The following MBP variants were observed in gnomAD, a reference collection of about 807,000 sequenced individuals.
The protein encoded by MBP is myelin basic protein.
In MBP, 16 loss-of-function variants were observed where a neutral mutation model predicts 35.8. The observed-to-expected ratio is 0.45, with a 90% CI of 0.30 to 0.68. MBP has a LOEUF of 0.68. Ranked by LOEUF, MBP falls within the 30% of genes least tolerant of loss-of-function variation. MBP has a pLI of 0.08. For synonymous variants in MBP, 143 were observed against 159.6 expected, an observed-to-expected ratio of 0.90 and a Z score of 0.78; for missense variants, 380 against 404.7, an observed-to-expected ratio of 0.94 and a Z score of 0.52.
At chr18:77,105,153 G>T in intron 2 of MBP, 58 bp downstream of exon 2, 1 of 1,553,326 alleles carries the variant, frequency 6.4e-7, no homozygotes. Flanking sequence ...CACACCAAGG[G>T]GATTTGTGTT....
intron 4 of MBP, among the ~76,000 whole-genome samples, chr18:77,007,729 A>G (rs1490867316): frequency 6.6e-6 from 1 of 152,230 alleles, no homozygotes; most frequent in Admixed American, 6.5e-5. Flanking sequence ...GCTGAGCACA[A>G]GGAGCTGAGT....
chr18:77,080,634 G>C (rs547608355), intron 2 of MBP, among the ~76,000 whole-genome samples: 1 of 152,322 alleles, frequency 6.6e-6, no homozygotes, highest in South Asian at 2.1e-4. Context: ...CCATTTCCTA[G>C]TATACTTGGT....
At chr18:77,107,980 CT>C (rs2145149584) in intron 1 of MBP, among the ~76,000 whole-genome samples, 1 of 152,328 alleles carries the variant, frequency 6.6e-6, no homozygotes, top group South Asian at 2.1e-4. Context: ...AAAACGACAA[CT>C]TGATGTGTGG....
intron 3 of MBP, among the ~76,000 whole-genome samples, chr18:77,065,576 A>G (rs1322635727): frequency 1.3e-5 from 2 of 152,242 alleles, no homozygotes; most frequent in Non-Finnish European, 1.5e-5. Context: ...GTTATTTCCC[A>G]ATGCCTTCTG....
chr18:77,131,025 CA>C lies in MBP; in HGVS notation c.-26+1554del, dbSNP rs56844180. Reference sequence around the variant, plus strand: ...TTCCCTCAGATTTCTGTTTTTCCCACAAAAAAAAAAAAAAAACAAAACCTCA... The same window carrying C: ...TTCCCTCAGATTTCTGTTTTTCCCACAAAAAAAAAAAAAAACAAAACCTCA... On this transcript the variant is annotated intron_variant, in intron 1 of 8. Transcript: ENST00000355994. The surrounding 1 kb of genome is among the most constrained non-coding windows in gnomAD (Gnocchi z 5.5). Among the ~76,000 whole-genome samples the C allele has an allele frequency of 0.61, 79,018 of 130,026 alleles. 22,672 individuals are homozygous for C. Among genetic ancestry groups the C allele is most frequent in the Non-Finnish European group, 0.62 (38,426 of 61,676 alleles). 85.3% of individuals were successfully genotyped at this position (130,026 alleles called of 152,430 possible). A position where few individuals can be genotyped will look rare whatever the true frequency, so the allele number is the denominator to read the frequency against.
intron 3 of MBP, among the ~76,000 whole-genome samples, chr18:77,032,120 G>A (rs965197082): frequency 2.6e-5 from 4 of 152,222 alleles, no homozygotes; most frequent in African/African-American, 9.6e-5. Context: ...CACTCTCCTG[G>A]CCCCTCTCAA....
intron 1 of MBP, among the ~76,000 whole-genome samples, chr18:77,111,611 G>A (rs765419330): frequency 2.8e-4 from 42 of 152,204 alleles, no homozygotes; most frequent in Non-Finnish European, 4.7e-4. Flanking sequence ...CTCCTCTCCA[G>A]CACCCAGGGC....
chr18:77,128,817 G>A (rs954861590), intron 1 of MBP, among the ~76,000 whole-genome samples: 5 of 152,248 alleles, frequency 3.3e-5, no homozygotes, highest in East Asian at 1.9e-4. Flanking sequence ...ACCTAGAAGT[G>A]GAATTGTTAG....
chr18:76,980,295 T>TA lies in MBP; in HGVS notation c.*131dup, dbSNP rs1969105797. On this transcript the variant is annotated 3_prime_UTR_variant, in exon 9 of 9. Coordinates refer to ENST00000355994, the MANE Select transcript of MBP (RefSeq NM_001025101.2). ...GTAGGCTGCCGTGGCCTGACCCTAC[T>TA]ACGTGCACAACTCCGCAGGCATTAG... is the stretch of plus-strand genomic sequence containing the variant. 2 of 861,324 alleles carry TA rather than the reference T, an allele frequency of 2.3e-6. No individual in the cohort carries two copies. The highest frequency in any genetic ancestry group is 1.7e-5 in the Admixed American group (1 of 58,370). 53.4% of individuals were successfully genotyped at this position (861,324 alleles called of 1,614,324 possible).
chr18:77,081,739 T>A (rs1974906096), intron 2 of MBP, among the ~76,000 whole-genome samples: 1 of 141,440 alleles, frequency 7.1e-6, no homozygotes, highest in Non-Finnish European at 1.5e-5. Flanking sequence ...TACAGGGATT[T>A]TCATAGCAGC....
At chr18:76,992,448 C>T (rs965889260) in intron 4 of MBP, among the ~76,000 whole-genome samples, 1 of 152,124 alleles carries the variant, frequency 6.6e-6, no homozygotes, top group East Asian at 1.9e-4. Context: ...GGCCACAGAG[C>T]GGTACCGGTC....
chr18:77,031,197 G>A (rs1972528957), intron 3 of MBP, among the ~76,000 whole-genome samples: 1 of 152,180 alleles, frequency 6.6e-6, no homozygotes, highest in Admixed American at 6.5e-5. Context: ...TTCCTCAAGT[G>A]GCCTTTCTAA....
intron 2 of MBP, among the ~76,000 whole-genome samples, chr18:77,075,777 G>C (rs894428852): frequency 6.6e-6 from 1 of 152,080 alleles, no homozygotes; most frequent in Admixed American, 6.6e-5. Context: ...CCGCACTAAT[G>C]GGGACTTCCA....
chr18:77,089,070 C>T (rs1207708001), intron 2 of MBP, among the ~76,000 whole-genome samples: 2 of 152,364 alleles, frequency 1.3e-5, no homozygotes, highest in Middle Eastern at 3.4e-3. Context: ...GAATTATTCA[C>T]GTAGCCTGTC....
At chr18:77,000,697 G>A (rs1004018201) in intron 4 of MBP, among the ~76,000 whole-genome samples, 1 of 152,204 alleles carries the variant, frequency 6.6e-6, no homozygotes, top group Non-Finnish European at 1.5e-5. Flanking sequence ...ATCAGGAAGA[G>A]GGTTGTTGTT....
At chr18:77,096,265 G>C (rs1599237135) in intron 2 of MBP, among the ~76,000 whole-genome samples, 1 of 152,220 alleles carries the variant, frequency 6.6e-6, no homozygotes, top group Non-Finnish European at 1.5e-5. Flanking sequence ...CAATGCCTTT[G>C]TGTATATTTG....
At chr18:77,042,443 A>C (rs73486819) in intron 3 of MBP, among the ~76,000 whole-genome samples, 14,149 of 152,226 alleles carry the variant, frequency 0.093, 851 homozygotes, top group East Asian at 0.26. Context: ...AAACATTTGC[A>C]TGATTTTGTA....
chr18:77,120,301 G>T (rs1394504764), intron 1 of MBP, among the ~76,000 whole-genome samples: 1 of 152,248 alleles, frequency 6.6e-6, no homozygotes, highest in Non-Finnish European at 1.5e-5. Context: ...AGCTGTGACC[G>T]GCACGGCCAG....
In MBP at chr18:76,979,671, T is replaced by A. The variant is rs773568008; in HGVS notation, c.*756A>T. 17 of 462,834 alleles carry A rather than the reference T, an allele frequency of 3.7e-5. No homozygotes were observed. The highest frequency in any genetic ancestry group is 5.1e-5 in the Non-Finnish European group (13 of 256,770). The allele number at this position is 462,834 out of a possible 1,614,324, so 28.7% of individuals were successfully genotyped here. Reference sequence around the variant, plus strand: ...GTCCAGAGGCCACCTGCTTGACATCTCCATCACCAAATCTCCAGGAAGACC... The same window carrying A: ...GTCCAGAGGCCACCTGCTTGACATCACCATCACCAAATCTCCAGGAAGACC... On this transcript the variant is annotated 3_prime_UTR_variant, in exon 9 of 9. Transcript: ENST00000355994.
Sources: allele counts gnomAD v4.1 joint callset (sites outside exome capture counted in the v4.1 genomes callset), GRCh38; gene constraint gnomAD v4.1.1; non-coding constraint Gnocchi (gnomAD v3.1); transcripts MANE v1.5; gene names NCBI Gene and HGNC (gene_info 2026-07-23, HGNC 2026-07-21).